Variants in PLCB1 observed in about 807,000 individuals in gnomAD.
The protein encoded by PLCB1 is 1-phosphatidylinositol 4,5-bisphosphate phosphodiesterase beta-1.
PLCB1 carries 46 observed loss-of-function variants against 161.8 expected under a neutral mutation model. The observed-to-expected ratio is 0.28, with a 90% CI of 0.22 to 0.36. The LOEUF (loss-of-function observed/expected upper bound fraction) is 0.36. PLCB1 is among the 10% of genes least tolerant of loss of function. The pLI is 1.00. For missense variants in PLCB1, 1,016 were observed against 1,472.5 expected (o/e 0.69, Z 5.07); for synonymous variants, 517 against 503.7 (o/e 1.03, Z -0.35).
chr20:8,291,687 G>A (rs1216033508), intron 2 of PLCB1, among the ~76,000 whole-genome samples: 1 of 152,156 alleles, frequency 6.6e-6, no homozygotes, highest in Non-Finnish European at 1.5e-5. Context: ...TGTGCTCACC[G>A]TGTGCCAGAC....
chr20:8,244,261 T>G (rs1193469665), intron 2 of PLCB1, among the ~76,000 whole-genome samples: 1 of 151,960 alleles, frequency 6.6e-6, no homozygotes, highest in Non-Finnish European at 1.5e-5. Context: ...TGATCATATG[T>G]GTCCACTAGA....
chr20:8,326,648 T>C (rs1241549805), intron 2 of PLCB1, among the ~76,000 whole-genome samples: 1 of 152,192 alleles, frequency 6.6e-6, no homozygotes, highest in Non-Finnish European at 1.5e-5. Context: ...TTATTAATCA[T>C]GTATTTTGTC....
intron 2 of PLCB1, among the ~76,000 whole-genome samples, chr20:8,151,034 G>C (rs1408855464): frequency 6.6e-6 from 1 of 152,122 alleles, no homozygotes; most frequent in Non-Finnish European, 1.5e-5. Flanking sequence ...GAGTTTAATG[G>C]GCAGTTAGAT....
intron 3 of PLCB1, among the ~76,000 whole-genome samples, chr20:8,499,749 A>G (rs1339917901): frequency 6.6e-6 from 1 of 152,208 alleles, no homozygotes; most frequent in Non-Finnish European, 1.5e-5. Context: ...ATTAAGTTAA[A>G]TATTTGTGGA....
intron 2 of PLCB1, among the ~76,000 whole-genome samples, chr20:8,225,104 T>C (rs1319192142): frequency 6.6e-6 from 1 of 152,204 alleles, no homozygotes; most frequent in Non-Finnish European, 1.5e-5. Flanking sequence ...CAATGGATTA[T>C]TTTCCCCAAA....
chr20:8,553,851 A>T (rs1436210870), intron 3 of PLCB1, among the ~76,000 whole-genome samples: 3 of 151,788 alleles, frequency 2.0e-5, no homozygotes, highest in Non-Finnish European at 4.4e-5. Context: ...AAATCAAAAC[A>T]ATTAGCTGGG....
chr20:8,258,441 G>A (rs1325851345), intron 2 of PLCB1, among the ~76,000 whole-genome samples: 1 of 152,044 alleles, frequency 6.6e-6, no homozygotes, highest in East Asian at 1.9e-4. Context: ...CTCATTCGTG[G>A]GTTTACATTT....
chr20:8,486,986 T>C (rs1299190261), intron 3 of PLCB1, among the ~76,000 whole-genome samples: 1 of 152,260 alleles, frequency 6.6e-6, no homozygotes, highest in East Asian at 1.9e-4. Context: ...AACTCCACCA[T>C]AGAAATGAAC....
At position 8,443,083 on chromosome 20, in the gene PLCB1, G is replaced by A. The variant is rs369357264; in HGVS notation, c.246+71633G>A. 4.5e-4 allele frequency among the ~76,000 whole-genome samples: 69 copies of A among 151,764 alleles called. No individual in the cohort carries two copies. In the South Asian group the frequency reaches 6.5e-3, roughly 14 times the overall value. ...CAATATCTGCATCCTGGGTTCAAGC[G>A]ATTCTCCTGCCTCACCTTCTCGAGT... is the stretch of plus-strand genomic sequence containing the variant. On this transcript the variant is annotated intron_variant, in intron 3 of 31. Coordinates refer to ENST00000338037, the MANE Select transcript of PLCB1 (RefSeq NM_015192.4).
intron 31 of PLCB1, among the ~76,000 whole-genome samples, chr20:8,826,857 T>C (rs1424838338): frequency 1.3e-5 from 2 of 152,184 alleles, no homozygotes; most frequent in Non-Finnish European, 2.9e-5. Context: ...TAAATAATAG[T>C]GATTTTATGC....
intron 3 of PLCB1, among the ~76,000 whole-genome samples, chr20:8,475,609 A>G (rs957399740): frequency 6.6e-6 from 1 of 152,204 alleles, no homozygotes; most frequent in African/African-American, 2.4e-5. Context: ...TCTTTTTAAA[A>G]CCAACAACAT....
intron 4 of PLCB1, among the ~76,000 whole-genome samples, chr20:8,633,816 G>A (rs190823781): frequency 1.1e-4 from 17 of 151,542 alleles, no homozygotes; most frequent in East Asian, 5.8e-4. Context: ...CCTCTATATC[G>A]GCAGTTAACA....
intron 10 of PLCB1, among the ~76,000 whole-genome samples, chr20:8,695,569 G>A (rs6056026): frequency 0.3 from 45,223 of 151,982 alleles, 7,704 homozygotes; most frequent in South Asian, 0.44. Context: ...GAGCATGCTC[G>A]TGCACATCTG....
chr20:8,236,699 G>A (rs1464249416), intron 2 of PLCB1, among the ~76,000 whole-genome samples: 1 of 151,876 alleles, frequency 6.6e-6, no homozygotes, highest in African/African-American at 2.4e-5. Flanking sequence ...TGCCAAGTCC[G>A]AACCAAACAA....
At chr20:8,790,895 T>C (rs1378118348) in intron 31 of PLCB1, among the ~76,000 whole-genome samples, 1 of 152,182 alleles carries the variant, frequency 6.6e-6, no homozygotes, top group Non-Finnish European at 1.5e-5. Context: ...TTTTAGAACA[T>C]TCCTTCCATT....
Position 8,646,126 on chromosome 20 carries a change from T to G in PLCB1, c.409T>G (p.Leu137Val). ...GGAATGGACAAATGAGGTTTTCAGT[T>G]TGGCAACAAACCTGCTGGCCCAAAA... ...AKEWTNEVFS[L>V]ATNLLAQNMS... The change falls in exon 5 of 32, where the codon TTG (leucine) becomes GTG (valine). Residue 137 changes from leucine to valine, a missense_variant. Coordinates refer to ENST00000338037, the MANE Select transcript of PLCB1 (RefSeq NM_015192.4). 6.2e-7 allele frequency: 1 copy of G among 1,613,514 alleles called. No individual in the cohort carries two copies. Among genetic ancestry groups the G allele is most frequent in the Non-Finnish European group, 8.5e-7 (1 of 1,179,412 alleles).
At chr20:8,269,886 T>A (rs1368355150) in intron 2 of PLCB1, among the ~76,000 whole-genome samples, 2 of 151,630 alleles carry the variant, frequency 1.3e-5, no homozygotes, top group Non-Finnish European at 2.9e-5. Context: ...GAAATGTAGA[T>A]CTTTTCCTTT....
chr20:8,187,842 TTGGTGGTGG>T (rs927418286), intron 2 of PLCB1, among the ~76,000 whole-genome samples: 2 of 151,796 alleles, frequency 1.3e-5, no homozygotes, highest in African/African-American at 4.8e-5. Context: ...CACTACATAT[TTGGTGGTGG>T]TGGTGGTGGT....
At chr20:8,553,105 G>A (rs1016813927) in intron 3 of PLCB1, among the ~76,000 whole-genome samples, 6 of 152,270 alleles carry the variant, frequency 3.9e-5, no homozygotes, top group African/African-American at 4.8e-5. Flanking sequence ...TGTTGCAAAT[G>A]CCAAAGCATG....
Sources: gnomAD v4.1 joint callset for allele counts (sites outside exome capture counted in the v4.1 genomes callset) on GRCh38, gnomAD v4.1.1 for gene constraint, MANE v1.5 for transcripts, NCBI Gene and HGNC (gene_info 2026-07-23, HGNC 2026-07-21) for gene names.